DNAJC5: variants seen among roughly 807,000 people sequenced by gnomAD.
DNAJC5 encodes the protein dnaJ homolog subfamily C member 5.
Under a neutral mutation model 23.2 loss-of-function variants are expected in DNAJC5, and 1 was observed. The ratio of observed to expected loss-of-function variants is 0.04; its 90% confidence interval spans 0.02 to 0.20. The LOEUF (loss-of-function observed/expected upper bound fraction) is 0.20. Ranked by LOEUF, DNAJC5 falls within the 10% of genes least tolerant of loss-of-function variation. DNAJC5 has a pLI of 1.00. For synonymous variants in DNAJC5, 136 were observed against 120.0 expected (o/e 1.13, Z -0.87); for missense variants, 180 against 267.0 (o/e 0.67, Z 2.27).
At chr20:63,926,580 G>A (rs990481870) in intron 1 of DNAJC5, among the ~76,000 whole-genome samples, 1 of 152,264 alleles carries the variant, frequency 6.6e-6, no homozygotes, top group Non-Finnish European at 1.5e-5. Flanking sequence ...TCATTATGGA[G>A]ACGGAATCTC....
chr20:63,898,025 T>G (rs2053385911), intron 1 of DNAJC5, among the ~76,000 whole-genome samples: 1 of 152,196 alleles, frequency 6.6e-6, no homozygotes, highest in Non-Finnish European at 1.5e-5. Context: ...CTGAGCCTGG[T>G]TGTACAGCTG....
chr20:63,916,298 A>G (rs547952470), intron 1 of DNAJC5, among the ~76,000 whole-genome samples: 6 of 152,204 alleles, frequency 3.9e-5, no homozygotes, highest in East Asian at 1.9e-4. Flanking sequence ...TCTATTTTCC[A>G]TAAGTGTCGG....
intron 1 of DNAJC5, among the ~76,000 whole-genome samples, chr20:63,897,679 G>C (rs1430731843): frequency 1.3e-5 from 2 of 152,194 alleles, no homozygotes; most frequent in Non-Finnish European, 2.9e-5. Flanking sequence ...ATACTCCGTC[G>C]TGACATTTGG....
rs145468246 is a variant in DNAJC5 at position 63,931,015 on chromosome 20, C to T, written c.486C>T (p.Asp162=). 3.3e-5 allele frequency: 53 copies of T among 1,613,776 alleles called. No individual in the cohort carries two copies. The highest frequency in any genetic ancestry group is 1.1e-4 in the African/African-American group (8 of 74,942). The change falls in exon 4 of 5, where the codon GAC becomes GAT. Residue 162 remains aspartate, a synonymous_variant. Transcript: ENST00000360864. This position sits in a 1 kb window ranked among gnomAD's most constrained non-coding sequence, Gnocchi z 9.6. Reference sequence around the variant, plus strand: ...ATCTGGAGGCACAGCTGCAGTCTGACGAGAGGGGTGAGTGCCCGCCCCAGG... The same window carrying T: ...ATCTGGAGGCACAGCTGCAGTCTGATGAGAGGGGTGAGTGCCCGCCCCAGG... ...PEDLEAQLQS[D]EREATDTPIV...
intron 1 of DNAJC5, among the ~76,000 whole-genome samples, chr20:63,905,626 G>T (rs1054370443): frequency 1.3e-5 from 2 of 149,572 alleles, no homozygotes; most frequent in African/African-American, 4.9e-5. Flanking sequence ...GGAGTGCAAT[G>T]ATGTGATCTC....
chr20:63,918,837 G>A (rs1430781919), intron 1 of DNAJC5, among the ~76,000 whole-genome samples: 1 of 152,138 alleles, frequency 6.6e-6, no homozygotes, highest in African/African-American at 2.4e-5. Context: ...CTTGTGACCC[G>A]CCCGCCTTGG....
At chr20:63,915,217 G>A (rs2053508238) in intron 1 of DNAJC5, among the ~76,000 whole-genome samples, 1 of 152,100 alleles carries the variant, frequency 6.6e-6, no homozygotes, top group Non-Finnish European at 1.5e-5. Flanking sequence ...TCAGAAGATA[G>A]AATAGGACCT....
At position 63,934,469 on chromosome 20, in the gene DNAJC5, G is replaced by C. The variant is rs1160218197; in HGVS notation, c.*2901G>C. On this transcript the variant is annotated 3_prime_UTR_variant, in exon 5 of 5. Coordinates refer to ENST00000360864, the MANE Select transcript of DNAJC5 (RefSeq NM_025219.3). The stretch of plus-strand genomic sequence containing the variant: ...GCTGCCAGGGGCCCTCTGGGGTCGT[G>C]CTTTGAGGCCCGTCCGGTTCACGAG... The C allele has an allele frequency of 6.6e-6, 1 of 152,310 alleles. No individual in the cohort carries two copies. The highest frequency in any genetic ancestry group is 1.9e-4 in the East Asian group (1 of 5,204). 9.4% of individuals were successfully genotyped at this position (152,310 alleles called of 1,614,324 possible).
rs2053640074 is a variant in DNAJC5, at chr20:63,929,166, C to T, written c.108-146C>T. 1.1e-6 allele frequency: 1 copy of T among 952,154 alleles called. No individual in the cohort carries two copies. Among genetic ancestry groups the T allele is most frequent in the South Asian group, 1.4e-5 (1 of 71,324 alleles). The allele number at this position is 952,154 out of a possible 1,614,324, so 59.0% of individuals were successfully genotyped here. A position where few individuals can be genotyped will look rare whatever the true frequency, so the allele number is the denominator to read the frequency against. ...AGCTTGCTTTTGTCCCTGGCCCCTG[C>T]AGCCCTGGAGAGTCGGACAGTGAGG... is the stretch of plus-strand genomic sequence containing the variant. On this transcript the variant is annotated intron_variant, in intron 2 of 4. Coordinates refer to ENST00000360864, the MANE Select transcript of DNAJC5 (RefSeq NM_025219.3). The surrounding 1 kb of genome is among the most constrained non-coding windows in gnomAD (Gnocchi z 8.6).
intron 1 of DNAJC5, among the ~76,000 whole-genome samples, chr20:63,927,646 CCTGATTTTTGGTCTGTT>C (rs2053627719): frequency 6.6e-6 from 1 of 151,996 alleles, no homozygotes; most frequent in Non-Finnish European, 1.5e-5. Flanking sequence ...CGATGTTTTT[CCTGATTTTTGGTCTGTT>C]CTGTCGATTT....
At chr20:63,895,606 G>T (rs2053369398) in intron 1 of DNAJC5, among the ~76,000 whole-genome samples, 1 of 151,578 alleles carries the variant, frequency 6.6e-6, no homozygotes, top group East Asian at 1.9e-4. Flanking sequence ...CTCTCCGCGG[G>T]TCTCTTCGGG....
rs2053631413 is a variant in DNAJC5 at position 63,928,198 on chromosome 20, CTG to C, written c.-11-134_-11-133del. The C allele has an allele frequency of 2.8e-6, 2 of 713,934 alleles. No homozygotes were observed. The highest frequency in any genetic ancestry group is 2.1e-5 in the Admixed American group (1 of 48,726). 44.2% of individuals were successfully genotyped at this position (713,934 alleles called of 1,614,324 possible). ...CACTTCTCCATGCCATGGCGTCTGT[CTG>C]TGCACGTGGCAAACTCCACAAGGCA... On this transcript the variant is annotated intron_variant, in intron 1 of 4. Transcript: ENST00000360864. This position sits in a 1 kb window ranked among gnomAD's most constrained non-coding sequence, Gnocchi z 4.6.
chr20:63,930,924 G>C lies in DNAJC5; in HGVS notation c.395G>C (p.Cys132Ser). ...CCCLCCCFNC[C>S]CGKCKPKAPE... is the part of the protein sequence containing the mutation. ...TGTCTGTGCTGCTGCTTCAACTGCT[G>C]CTGCGGGAAGTGTAAGCCCAAGGCG... Residue 132 changes from cysteine (C) to serine (S), a missense_variant, in exon 4 of 5, where the codon TGC (cysteine) becomes TCC (serine). This residue lies in a region of DNAJC5 where 97 missense variants were observed against 123.4 expected (regional missense o/e 0.79). Coordinates refer to ENST00000360864, the MANE Select transcript of DNAJC5 (RefSeq NM_025219.3). 1 of 1,614,172 alleles carries C rather than the reference G, an allele frequency of 6.2e-7. No homozygotes were observed. Among genetic ancestry groups the C allele is most frequent in the East Asian group, 2.2e-5 (1 of 44,886 alleles).
chr20:63,902,204 G>A (rs1176220885), intron 1 of DNAJC5, among the ~76,000 whole-genome samples: 4 of 151,572 alleles, frequency 2.6e-5, no homozygotes, highest in African/African-American at 4.9e-5. Context: ...ACAGGCGCCC[G>A]CCACCACGCC....
rs1410498347 is a variant in DNAJC5 at position 63,931,158 on chromosome 20, T to C, written c.493+136T>C. 2 of 1,010,596 alleles carry C rather than the reference T, an allele frequency of 2.0e-6. No individual in the cohort carries two copies. The highest frequency in any genetic ancestry group is 1.6e-5 in the African/African-American group (1 of 62,872). The allele number at this position is 1,010,596 out of a possible 1,614,324, so 62.6% of individuals were successfully genotyped here. On this transcript the variant is annotated intron_variant, in intron 4 of 4. Coordinates refer to ENST00000360864, the MANE Select transcript of DNAJC5 (RefSeq NM_025219.3). This position sits in a 1 kb window ranked among gnomAD's most constrained non-coding sequence, Gnocchi z 9.6. ...GTGTTTGTGGTGGCAGCTGGGACTG[T>C]TGAGGTGTGAACGTGGACCCTGAGG...
intron 1 of DNAJC5, among the ~76,000 whole-genome samples, chr20:63,898,263 G>A (rs920546022): frequency 6.6e-5 from 10 of 152,238 alleles, no homozygotes; most frequent in Non-Finnish European, 1.3e-4. Flanking sequence ...CTAAAATGCA[G>A]TGGGGCGGGG....
At chr20:63,898,589 A>T (rs2053389133) in intron 1 of DNAJC5, among the ~76,000 whole-genome samples, 1 of 152,134 alleles carries the variant, frequency 6.6e-6, no homozygotes, top group Non-Finnish European at 1.5e-5. Flanking sequence ...CACACCAGTA[A>T]TCCCAGCACT....
chr20:63,899,882 T>C (rs2146269334), intron 1 of DNAJC5, among the ~76,000 whole-genome samples: 2 of 135,042 alleles, frequency 1.5e-5, no homozygotes, highest in African/African-American at 5.5e-5. Flanking sequence ...CGCCTGGGCT[T>C]TTTTTTTTTT....
chr20:63,929,196 C>G lies in DNAJC5; in HGVS notation c.108-116C>G. 8.1e-7 allele frequency: 1 copy of G among 1,230,674 alleles called. No homozygotes were observed. Among genetic ancestry groups the G allele is most frequent in the Non-Finnish European group, 1.2e-6 (1 of 858,194 alleles). 76.2% of individuals were successfully genotyped at this position (1,230,674 alleles called of 1,614,324 possible). The stretch of plus-strand genomic sequence containing the variant: ...CTGGAGAGTCGGACAGTGAGGTGGC[C>G]TGGGTGGACCTGCCTTCCACTGCAC... On this transcript the variant is annotated intron_variant, in intron 2 of 4. Transcript: ENST00000360864. This position sits in a 1 kb window ranked among gnomAD's most constrained non-coding sequence, Gnocchi z 8.6.
Sources: allele counts gnomAD v4.1 joint callset (sites outside exome capture counted in the v4.1 genomes callset), GRCh38; gene constraint gnomAD v4.1.1; regional missense constraint gnomAD v4.1.1; non-coding constraint Gnocchi (gnomAD v3.1); transcripts MANE v1.5; gene names NCBI Gene and HGNC (gene_info 2026-07-23, HGNC 2026-07-21).